TNS1: variants seen among roughly 807,000 people sequenced by gnomAD.
The protein encoded by TNS1 is tensin 1, also known as tensin-1.
TNS1 carries 62 observed loss-of-function variants against 168.6 expected under a neutral mutation model. That is an observed-to-expected ratio of 0.37 (90% CI 0.30 to 0.45). The LOEUF (loss-of-function observed/expected upper bound fraction) is 0.45. Among genes scored for constraint, TNS1 ranks in the 20% least tolerant of loss-of-function variants. The pLI is 1.00. For missense variants in TNS1, 2,240 were observed against 2,339.4 expected (o/e 0.96, Z 0.88); for synonymous variants, 934 against 933.2 (o/e 1.00, Z -0.02).
chr2:217,823,907 C>T (rs947105142), intron 22 of TNS1, among the ~76,000 whole-genome samples: 3 of 152,230 alleles, frequency 2.0e-5, no homozygotes, highest in Admixed American at 1.3e-4. Flanking sequence ...CCCACCTCCT[C>T]GCAGAAGGCC....
intron 1 of TNS1, among the ~76,000 whole-genome samples, chr2:218,002,231 G>A (rs1054408397): frequency 6.6e-6 from 1 of 152,162 alleles, no homozygotes; most frequent in Non-Finnish European, 1.5e-5. Flanking sequence ...AGAGAAAGGG[G>A]GAAGAGCGGG....
At chr2:217,857,563 C>T (rs963679962) in intron 18 of TNS1, among the ~76,000 whole-genome samples, 4 of 152,208 alleles carry the variant, frequency 2.6e-5, no homozygotes, top group Non-Finnish European at 4.4e-5. Flanking sequence ...AGGAAGGACC[C>T]GTGGCAATTG....
chr2:217,817,256 T>C (rs1942036431), intron 24 of TNS1, among the ~76,000 whole-genome samples: 1 of 152,186 alleles, frequency 6.6e-6, no homozygotes. Context: ...GACTGTATGA[T>C]ACTAGACAAG....
chr2:217,821,064 G>A (rs1294800090), intron 23 of TNS1, among the ~76,000 whole-genome samples: 1 of 152,164 alleles, frequency 6.6e-6, no homozygotes, highest in Non-Finnish European at 1.5e-5. Flanking sequence ...AATGCCTCCA[G>A]CCCTCAGAAA....
In TNS1 at chr2:217,893,454, A is replaced by G; in HGVS notation, c.702T>C (p.Val234=). The change falls in exon 10 of 33, where the codon GTT becomes GTC. Residue 234 remains valine, a synonymous_variant. Transcript: ENST00000682258. ...TWLNADPHNV[V]VLHNKGNRGR... ...CAGCTCTGACCTTGTTGTGTAGAAC[A>G]ACGACATTGTGAGGGTCTGCATTGA... 3 of 1,607,864 alleles carry G rather than the reference A, an allele frequency of 1.9e-6. No homozygotes were observed. The highest frequency in any genetic ancestry group is 2.2e-5 in the South Asian group (2 of 90,590).
intron 18 of TNS1, among the ~76,000 whole-genome samples, chr2:217,876,146 G>A (rs1950182530): frequency 1.3e-5 from 2 of 152,202 alleles, no homozygotes; most frequent in Admixed American, 6.5e-5. Context: ...GGGGGTGGAT[G>A]AGAAGGCAGG....
At chr2:217,933,587 T>A (rs1308676643) in intron 3 of TNS1, among the ~76,000 whole-genome samples, 1 of 152,078 alleles carries the variant, frequency 6.6e-6, no homozygotes, top group East Asian at 1.9e-4. Context: ...GGAGCCCATA[T>A]GTACAGACTG....
chr2:218,029,361 C>T (rs138949328), intron 1 of TNS1, among the ~76,000 whole-genome samples: 3 of 152,322 alleles, frequency 2.0e-5, no homozygotes, highest in South Asian at 2.1e-4. Context: ...CCTTTGATTC[C>T]GAGACACGTG....
intron 18 of TNS1, among the ~76,000 whole-genome samples, chr2:217,871,625 C>T (rs1010637361): frequency 6.6e-6 from 1 of 152,264 alleles, no homozygotes; most frequent in Non-Finnish European, 1.5e-5. Flanking sequence ...GGGCAAACAG[C>T]GTGGTGCACA....
chr2:218,003,800 C>T (rs548500364), upstream of TNS1, among the ~76,000 whole-genome samples: 265 of 151,158 alleles, frequency 1.8e-3, no homozygotes, highest in African/African-American at 5.6e-3. Context: ...CCCTCTCCCC[C>T]TCCCTGGGCC....
At chr2:217,936,817 G>A (rs1385650143) in intron 3 of TNS1, among the ~76,000 whole-genome samples, 3 of 152,088 alleles carry the variant, frequency 2.0e-5, no homozygotes, top group Admixed American at 6.5e-5. Flanking sequence ...TCCATGCCAG[G>A]CACTGGGCTG....
In TNS1 at chr2:217,813,904, C is replaced by T. The variant is rs1205905879; in HGVS notation, c.4730-88G>A. 5 of 1,415,730 alleles carry T rather than the reference C, an allele frequency of 3.5e-6. No homozygotes were observed. The highest frequency in any genetic ancestry group is 1.6e-5 in the South Asian group (1 of 61,662). 87.7% of individuals were successfully genotyped at this position (1,415,730 alleles called of 1,614,324 possible). A position where few individuals can be genotyped will look rare whatever the true frequency, so the allele number is the denominator to read the frequency against. ...AAGTCTCATTGAGCCTACCGACCTT[C>T]GTTCTTTCTTAGGTGAGACAAATTT... On this transcript the variant is annotated intron_variant, in intron 25 of 32. Coordinates refer to ENST00000682258, the MANE Select transcript of TNS1 (RefSeq NM_001387777.1). This position sits in a 1 kb window ranked among gnomAD's most constrained non-coding sequence, Gnocchi z 4.0.
At chr2:217,997,826 C>T (rs1958498780) in intron 1 of TNS1, among the ~76,000 whole-genome samples, 1 of 152,228 alleles carries the variant, frequency 6.6e-6, no homozygotes, top group African/African-American at 2.4e-5. Flanking sequence ...TTCGTGTTGT[C>T]TTTTCTGTGT....
In TNS1 at chr2:217,818,376, T is replaced by C. The variant is rs2125160564; in HGVS notation, c.3956A>G (p.His1319Arg). The C allele has an allele frequency of 6.2e-7, 1 of 1,614,122 alleles. No individual in the cohort carries two copies. Among genetic ancestry groups the C allele is most frequent in the Non-Finnish European group, 8.5e-7 (1 of 1,180,014 alleles). ...AAPSSPSLSH[H>R]QMMGPPGTGF... ...AGTGCCTGGTGGACCCATCATCTGGTGATGGCTCAAACTGGGACTGCTGGG... is the reference window on the plus strand; with the variant it reads ...AGTGCCTGGTGGACCCATCATCTGGCGATGGCTCAAACTGGGACTGCTGGG... The change falls in exon 24 of 33, where the codon CAC (histidine) becomes CGC (arginine). Residue 1319 changes from histidine (H) to arginine (R), a missense_variant. Transcript: ENST00000682258.
chr2:217,811,956 G>A (rs1940993447), intron 28 of TNS1, among the ~76,000 whole-genome samples: 1 of 152,184 alleles, frequency 6.6e-6, no homozygotes, highest in African/African-American at 2.4e-5. Context: ...TCCTGAGGCT[G>A]CTCTCTCCTC....
intron 3 of TNS1, among the ~76,000 whole-genome samples, chr2:217,961,062 T>C (rs1283953930): frequency 3.3e-5 from 5 of 152,054 alleles, no homozygotes; most frequent in African/African-American, 9.7e-5. Flanking sequence ...CTAGCTTCCA[T>C]GTCTCCCTCC....
At chr2:218,015,425 T>C (rs996472188) in intron 1 of TNS1, among the ~76,000 whole-genome samples, 4 of 152,092 alleles carry the variant, frequency 2.6e-5, no homozygotes, top group Non-Finnish European at 5.9e-5. Flanking sequence ...AGTCCCTAAG[T>C]TCTCTTTGTC....
chr2:217,924,679 C>G (rs930702227), intron 3 of TNS1, among the ~76,000 whole-genome samples: 2 of 152,194 alleles, frequency 1.3e-5, no homozygotes, highest in Non-Finnish European at 2.9e-5. Flanking sequence ...CTCTCCGAGA[C>G]CCTCCAAGCC....
rs879064091 is a variant in TNS1, at chr2:217,800,748, G to GA, written c.*3710dup. ...CAGGATCTCCCCAGGTCCTAAAGCT[G>GA]AAAAAAAAAGTGGGAGAAGATCCAG... On this transcript the variant is annotated 3_prime_UTR_variant, in exon 33 of 33. Transcript: ENST00000682258. The GA allele has an allele frequency of 3.1e-4, 47 of 150,610 alleles. No individual in the cohort carries two copies. The highest frequency in any genetic ancestry group is 8.4e-4 in the South Asian group (4 of 4,780). 9.3% of individuals were successfully genotyped at this position (150,610 alleles called of 1,614,324 possible).
Sources: allele counts gnomAD v4.1 joint callset (sites outside exome capture counted in the v4.1 genomes callset), GRCh38; gene constraint gnomAD v4.1.1; non-coding constraint Gnocchi (gnomAD v3.1); transcripts MANE v1.5; gene names NCBI Gene and HGNC (gene_info 2026-07-23, HGNC 2026-07-21).